Variants in LPP observed in about 807,000 individuals in gnomAD.
LPP encodes the protein LIM domain containing preferred translocation partner in lipoma, also known as lipoma-preferred partner.
In LPP, 38 loss-of-function variants were observed where a neutral mutation model predicts 60.4. The observed-to-expected ratio is 0.63, with a 90% CI of 0.49 to 0.83. The LOEUF is 0.83. LPP is among the 40% of genes least tolerant of loss of function. LPP has a pLI of 0.00. For synonymous variants in LPP, 328 were observed against 290.8 expected (o/e 1.13, Z -1.30); for missense variants, 902 against 783.6 (o/e 1.15, Z -1.80).
chr3:188,811,769 A>T (rs946596331), intron 9 of LPP, among the ~76,000 whole-genome samples: 2 of 152,114 alleles, frequency 1.3e-5, no homozygotes, highest in Non-Finnish European at 2.9e-5. Context: ...ACTTAATGAG[A>T]TCTCTCAGTT....
chr3:188,778,344 A>T (rs1738491057), intron 9 of LPP, among the ~76,000 whole-genome samples: 1 of 152,196 alleles, frequency 6.6e-6, no homozygotes, highest in Admixed American at 6.5e-5. Flanking sequence ...TCATTTATAT[A>T]CAGTTCCTGG....
chr3:188,423,812 C>A (rs1315242497), intron 4 of LPP, among the ~76,000 whole-genome samples: 1 of 150,032 alleles, frequency 6.7e-6, no homozygotes, highest in South Asian at 2.1e-4. Flanking sequence ...TTGTTTTTTT[C>A]TTGAAAATTT....
intron 6 of LPP, among the ~76,000 whole-genome samples, chr3:188,537,221 T>A (rs1823868319): frequency 6.6e-6 from 1 of 152,200 alleles, no homozygotes; most frequent in Non-Finnish European, 1.5e-5. Context: ...ATCAGAGTGG[T>A]CTGTTTGCAG....
chr3:188,768,250 C>T (rs1734765142), intron 9 of LPP, among the ~76,000 whole-genome samples: 1 of 152,080 alleles, frequency 6.6e-6, no homozygotes, highest in South Asian at 2.1e-4. Context: ...TGTGCTATTT[C>T]AACTTTAAGA....
rs1373754283 is a variant in LPP, at chr3:188,203,487, TTTTAAATATATATAAATATATATA to T, written c.-189-21894_-189-21871del. On this transcript the variant is annotated intron_variant, in intron 1 of 11. Transcript: ENST00000617246. ...TATATATTTTTAAATATATATATAT[TTTTAAATATATATAAATATATATA>T]TTTAAATATATATAAATATATATTT... Among the ~76,000 whole-genome samples the T allele has an allele frequency of 8.7e-4, 59 of 67,522 alleles. 1 individual carries two copies. The South Asian group carries it at 9.6e-3, about 11-fold the overall frequency. The allele number at this position is 67,522 out of a possible 152,430, so 44.3% of individuals were successfully genotyped here.
intron 1 of LPP, among the ~76,000 whole-genome samples, chr3:188,199,386 G>A (rs903140655): frequency 2.6e-5 from 4 of 152,134 alleles, no homozygotes; most frequent in African/African-American, 7.2e-5. Context: ...CATGTGGGAC[G>A]GAAAATTTGC....
At chr3:188,624,258 C>A (rs749119489) in intron 7 of LPP, among the ~76,000 whole-genome samples, 4 of 152,058 alleles carry the variant, frequency 2.6e-5, no homozygotes, top group African/African-American at 4.8e-5. Context: ...ATTATATCAC[C>A]GTTGAAGAGC....
chr3:188,617,144 A>G (rs189636172), intron 7 of LPP, among the ~76,000 whole-genome samples: 15 of 152,238 alleles, frequency 9.9e-5, no homozygotes, highest in Non-Finnish European at 1.9e-4. Context: ...AATAAGTTGG[A>G]AAAAATAAGA....
intron 5 of LPP, among the ~76,000 whole-genome samples, chr3:188,512,558 T>TATAAATAAAAA (rs1553917932): frequency 1.4e-5 from 2 of 140,656 alleles, no homozygotes; most frequent in African/African-American, 5.3e-5. Flanking sequence ...AAACCCGGTC[T>TATAAATAAAAA]ATAAATAAAT....
At chr3:188,767,651 G>A (rs1244441508) in intron 9 of LPP, among the ~76,000 whole-genome samples, 1 of 152,092 alleles carries the variant, frequency 6.6e-6, no homozygotes, top group African/African-American at 2.4e-5. Context: ...ACTGTGGCTG[G>A]CAGAATTACA....
At position 188,821,120 on chromosome 3, in the gene LPP, A is replaced by AT. The variant is rs935466375; in HGVS notation, c.1411-45071dup. 2.1e-4 allele frequency among the ~76,000 whole-genome samples: 32 copies of AT among 149,416 alleles called. No homozygotes were observed. The East Asian group carries it at 3.7e-3, about 17-fold the overall frequency. On this transcript the variant is annotated intron_variant, in intron 9 of 11. Transcript: ENST00000617246. ...CTTCCATTCCTCTCTGTAGCCTCTGATTTTTTTTTCAGACTTCAGTTGGAA... is the reference window on the plus strand; with the variant it reads ...CTTCCATTCCTCTCTGTAGCCTCTGATTTTTTTTTTCAGACTTCAGTTGGAA...
chr3:188,764,946 A>C (rs377550318), intron 9 of LPP, among the ~76,000 whole-genome samples: 38 of 152,176 alleles, frequency 2.5e-4, no homozygotes, highest in African/African-American at 9.2e-4. Context: ...AAACACTTTA[A>C]GGTACCTGAA....
chr3:188,235,270 T>G (rs1235759500), intron 2 of LPP, among the ~76,000 whole-genome samples: 4 of 152,120 alleles, frequency 2.6e-5, no homozygotes, highest in East Asian at 1.9e-4. Context: ...AAGCAAGAGA[T>G]AGATAGTGTG....
At chr3:188,509,694 C>T (rs11713947) in intron 5 of LPP, among the ~76,000 whole-genome samples, 40,977 of 84,770 alleles carry the variant, frequency 0.48, 11,081 homozygotes, top group Middle Eastern at 0.64. Flanking sequence ...TCCTCTCTCT[C>T]TCTCTTTTCT....
chr3:188,684,988 C>T (rs1304989438), intron 7 of LPP, among the ~76,000 whole-genome samples: 3 of 152,198 alleles, frequency 2.0e-5, no homozygotes, highest in Admixed American at 1.3e-4. Context: ...TTACCAAATA[C>T]TTATATGTCA....
At chr3:188,516,282 T>C (rs1426265) in intron 5 of LPP, among the ~76,000 whole-genome samples, 1 of 152,156 alleles carries the variant, frequency 6.6e-6, no homozygotes, top group Non-Finnish European at 1.5e-5. Flanking sequence ...TTTGTATCTC[T>C]TTCCATAAAA....
At chr3:188,494,044 C>A (rs1246009471) in intron 5 of LPP, among the ~76,000 whole-genome samples, 1 of 152,068 alleles carries the variant, frequency 6.6e-6, no homozygotes, top group Non-Finnish European at 1.5e-5. Flanking sequence ...TGCACTTAAA[C>A]CTTTATCTTT....
chr3:188,766,380 A>AAAAAAAAAAAAAAAAAAAAAAAAAAAAAT (rs1264072190), intron 9 of LPP, among the ~76,000 whole-genome samples: 1 of 151,008 alleles, frequency 6.6e-6, no homozygotes, highest in Non-Finnish European at 1.5e-5. Context: ...TTAAAAAGCA[A>AAAAAAAAAAAAAAAAAAAAAAAAAAAAAT]AAAAAAAAGG....
At chr3:188,543,883 A>C (rs1009475197) in intron 6 of LPP, among the ~76,000 whole-genome samples, 3 of 152,196 alleles carry the variant, frequency 2.0e-5, no homozygotes, top group African/African-American at 4.8e-5. Context: ...CCGATCACAA[A>C]AGAGAGTGAG....
Sources: allele counts gnomAD v4.1 joint callset (sites outside exome capture counted in the v4.1 genomes callset), GRCh38; gene constraint gnomAD v4.1.1; transcripts MANE v1.5; gene names NCBI Gene and HGNC (gene_info 2026-07-23, HGNC 2026-07-21).